Variants in UBE3B observed in about 807,000 individuals in gnomAD.
The protein encoded by UBE3B is ubiquitin-protein ligase E3B.
In UBE3B, 80 loss-of-function variants were observed where a neutral mutation model predicts 132.3. The observed-to-expected ratio is 0.60, with a 90% CI of 0.50 to 0.73. UBE3B has a LOEUF of 0.73. UBE3B is among the 30% of genes least tolerant of loss of function. The pLI, the probability that UBE3B is intolerant of heterozygous loss-of-function variation, is 0.00. For synonymous variants in UBE3B, 487 were observed against 520.4 expected (o/e 0.94, Z 0.87); for missense variants, 1,196 against 1,362.5 (o/e 0.88, Z 1.92).
At chr12:109,480,929 T>C (rs1378399189) in intron 1 of UBE3B, among the ~76,000 whole-genome samples, 2 of 152,304 alleles carry the variant, frequency 1.3e-5, no homozygotes, top group African/African-American at 4.8e-5. Context: ...TGGGGTCTTA[T>C]TGGTCCACAG....
Position 109,526,351 on chromosome 12 carries a change from C to T in UBE3B, c.2569-7C>T, listed in dbSNP as rs373313874. 5 of 1,614,076 alleles carry T rather than the reference C, an allele frequency of 3.1e-6. No individual in the cohort carries two copies. The highest frequency in any genetic ancestry group is 1.7e-4 in the Middle Eastern group (1 of 6,060). Reference sequence around the variant, plus strand: ...TCCCTATTAATTACTCCCATCTTCTCCCCCAGCTTGTTTGCCATGAACTGA... The same window carrying T: ...TCCCTATTAATTACTCCCATCTTCTTCCCCAGCTTGTTTGCCATGAACTGA... On this transcript the variant is annotated splice_region_variant and splice_polypyrimidine_tract_variant and intron_variant, in intron 23 of 27. Transcript: ENST00000342494.
At chr12:109,531,428 C>T (rs780484204) in intron 26 of UBE3B, among the ~76,000 whole-genome samples, 8 of 152,162 alleles carry the variant, frequency 5.3e-5, no homozygotes, top group Non-Finnish European at 8.8e-5. Flanking sequence ...TATCATTTCC[C>T]ACCAGCCTTC....
intron 12 of UBE3B, 65 bp from the exon 13 acceptor site, chr12:109,501,306 G>A: frequency 6.3e-7 from 1 of 1,599,390 alleles, no homozygotes; most frequent in Non-Finnish European, 8.5e-7. Flanking sequence ...TAGGAACTGT[G>A]TGGGCTGGCC....
chr12:109,487,041 C>T (rs2135800810), intron 6 of UBE3B, among the ~76,000 whole-genome samples: 1 of 152,314 alleles, frequency 6.6e-6, no homozygotes, highest in East Asian at 1.9e-4. Flanking sequence ...CTCATCCCTG[C>T]TCCCTTTTGG....
chr12:109,497,548 C>G (rs992878540), intron 9 of UBE3B, among the ~76,000 whole-genome samples: 2 of 152,016 alleles, frequency 1.3e-5, no homozygotes, highest in Non-Finnish European at 2.9e-5. Context: ...TTCATCTTGC[C>G]TTTTTTTAAA....
chr12:109,488,464 A>T, intron 6 of UBE3B, 108 bp from the exon 7 acceptor site: 1 of 967,928 alleles, frequency 1.0e-6, no homozygotes, highest in Middle Eastern at 2.2e-4. Flanking sequence ...TATAATCCTG[A>T]CTCAGTGATT....
the UBE3B span, among the ~76,000 whole-genome samples, chr12:109,543,474 A>G: frequency 2.0e-5 from 3 of 152,092 alleles, no homozygotes. Context: ...TAATAGTCCT[A>G]TTCTGTTCTC....
At chr12:109,503,261 GT>G in intron 14 of UBE3B, 71 bp downstream of exon 14, 1 of 1,558,172 alleles carries the variant, frequency 6.4e-7, no homozygotes. Context: ...AAAAGTCGAT[GT>G]TTTTTTCTGG....
chr12:109,500,551 G>A (rs761259258), intron 12 of UBE3B, among the ~76,000 whole-genome samples: 1 of 152,164 alleles, frequency 6.6e-6, no homozygotes, highest in Non-Finnish European at 1.5e-5. Flanking sequence ...TCATTGCTAG[G>A]GAACAGCCTG....
At chr12:109,503,798 T>C (rs1363508192) in intron 14 of UBE3B, among the ~76,000 whole-genome samples, 1 of 152,238 alleles carries the variant, frequency 6.6e-6, no homozygotes, top group Non-Finnish European at 1.5e-5. Flanking sequence ...TTGTTATGAA[T>C]TGGTCTTACA....
chr12:109,486,301 G>A (rs182049879), intron 5 of UBE3B, among the ~76,000 whole-genome samples, 170 bp from the exon 6 acceptor site: 1 of 152,102 alleles, frequency 6.6e-6, no homozygotes, highest in Non-Finnish European at 1.5e-5. Flanking sequence ...AGGCTATTTT[G>A]TCTTTGCGTT....
chr12:109,502,757 A>G (rs1879156978), intron 13 of UBE3B, among the ~76,000 whole-genome samples: 1 of 152,228 alleles, frequency 6.6e-6, no homozygotes, highest in Non-Finnish European at 1.5e-5. Context: ...GATTTCCAGT[A>G]TAAGAATCCC....
rs779152969 is a variant in UBE3B, at chr12:109,498,215, G to A, written c.820-18G>A. 4.7e-5 allele frequency: 76 copies of A among 1,613,066 alleles called. No homozygotes were observed. In the Admixed American group the frequency reaches 1.2e-3, roughly 25 times the overall value. On this transcript the variant is annotated intron_variant, in intron 10 of 27. Coordinates refer to ENST00000342494, the MANE Select transcript of UBE3B (RefSeq NM_130466.4). ...GTTTCTGGCAGTTTCTGATTTAACG[G>A]TCTGCTATTCTTTGCAGCGCCTCAC...
intron 4 of UBE3B, among the ~76,000 whole-genome samples, chr12:109,485,729 C>G (rs180772448): frequency 5.9e-5 from 9 of 152,312 alleles, no homozygotes; most frequent in Admixed American, 2.0e-4. Flanking sequence ...CAGATTGATA[C>G]TGTTTTTTGA....
intron 8 of UBE3B, chr12:109,490,735 G>T: frequency 7.1e-7 from 1 of 1,410,476 alleles, no homozygotes; most frequent in Non-Finnish European, 9.2e-7. Flanking sequence ...TTTAGAGAAA[G>T]AGTGGTAGAG....
At chr12:109,487,164 G>C (rs1036403279) in intron 6 of UBE3B, among the ~76,000 whole-genome samples, 2 of 152,160 alleles carry the variant, frequency 1.3e-5, no homozygotes, top group Non-Finnish European at 2.9e-5. Context: ...CAAAAATCCA[G>C]GTTTCTTGTA....
rs1221280111 is a variant in UBE3B, at chr12:109,497,912, G to A, written c.808G>A (p.Val270Met). 1 of 1,614,136 alleles carries A rather than the reference G, an allele frequency of 6.2e-7. No homozygotes were observed. The highest frequency in any genetic ancestry group is 1.7e-5 in the Admixed American group (1 of 60,026). The change falls in exon 10 of 28, where the codon GTG becomes ATG. Residue 270 changes from valine (V) to methionine (M), a missense_variant. Val to Met is a conservative substitution (Grantham distance 21). Transcript: ENST00000342494. ...TGCTCTGGTGACTCATCTCAGCACA[G>A]TGACCCCTGAGGTAAGCAGGCTCTG... is the stretch of plus-strand genomic sequence containing the variant. The part of the protein sequence containing the change: ...VPALVTHLST[V>M]TPERLTVLES...
intron 13 of UBE3B, among the ~76,000 whole-genome samples, chr12:109,501,762 A>G (rs955384609): frequency 7.9e-5 from 12 of 151,868 alleles, no homozygotes; most frequent in African/African-American, 2.9e-4. Context: ...TGATCCTCCC[A>G]CGTCAGCCTC....
intron 12 of UBE3B, among the ~76,000 whole-genome samples, chr12:109,500,472 A>T (rs549590060): frequency 6.6e-6 from 1 of 152,252 alleles, no homozygotes; most frequent in South Asian, 2.1e-4. Context: ...AGGCCTGGGG[A>T]GGAAATCCCC....
Sources: allele counts gnomAD v4.1 joint callset (sites outside exome capture counted in the v4.1 genomes callset), GRCh38; gene constraint gnomAD v4.1.1; transcripts MANE v1.5; gene names NCBI Gene and HGNC (gene_info 2026-07-23, HGNC 2026-07-21).